Variants in SLA2 observed in about 807,000 individuals in gnomAD.
The protein encoded by SLA2 is Src like adaptor 2, also known as src-like-adapter 2.
Under a neutral mutation model 27.3 loss-of-function variants are expected in SLA2, and 22 were observed. The observed-to-expected ratio is 0.81, with a 90% confidence interval of 0.58 to 1.15. SLA2 has a LOEUF of 1.15. Ranked by LOEUF, SLA2 falls within the 50% of genes most tolerant of loss-of-function variation. The pLI, the probability that SLA2 is intolerant of heterozygous loss-of-function variation, is 0.00. For missense variants in SLA2, 304 were observed against 322.2 expected, an observed-to-expected ratio of 0.94 and a Z score of 0.43; for synonymous variants, 131 against 137.8, an observed-to-expected ratio of 0.95 and a Z score of 0.34.
intron 5 of SLA2, chr20:36,621,121 G>A: frequency 2.6e-6 from 1 of 390,148 alleles, no homozygotes; most frequent in Non-Finnish European, 5.1e-6. Context: ...CAATGATGGT[G>A]AGCCTGCTTA....
chr20:36,627,039 C>T (rs892284863), intron 5 of SLA2, among the ~76,000 whole-genome samples: 3 of 150,992 alleles, frequency 2.0e-5, no homozygotes, highest in South Asian at 2.1e-4. Context: ...GAAAGAATGG[C>T]GAAGGATGAG....
intron 5 of SLA2, among the ~76,000 whole-genome samples, chr20:36,626,737 G>A (rs908687773): frequency 3.3e-5 from 5 of 150,956 alleles, no homozygotes; most frequent in Non-Finnish European, 7.4e-5. Flanking sequence ...CCAGCTACTC[G>A]GGAGGCTGAG....
Position 36,614,296 on chromosome 20 carries a change from C to G in SLA2, c.665+9G>C. On this transcript the variant is annotated intron_variant, in intron 7 of 7. Transcript: ENST00000262866. ...CTGCTTTCATGTTTCCAGGAGTCCC[C>G]AACTTTACCTGTCCAGCTCTTTCCA... The G allele has an allele frequency of 6.2e-7, 1 of 1,614,164 alleles. No homozygotes were observed. The highest frequency in any genetic ancestry group is 8.5e-7 in the Non-Finnish European group (1 of 1,180,028).
chr20:36,642,867 G>T (rs1394981998), intron 1 of SLA2, among the ~76,000 whole-genome samples: 1 of 152,052 alleles, frequency 6.6e-6, no homozygotes, highest in Non-Finnish European at 1.5e-5. Flanking sequence ...TTACAGGCAT[G>T]AGCCACCGCA....
chr20:36,616,308 ATT>A (rs1187898492), intron 5 of SLA2, among the ~76,000 whole-genome samples: 7,928 of 126,384 alleles, frequency 0.063, 725 homozygotes, highest in African/African-American at 0.21. Context: ...TCATTTTTTC[ATT>A]TTTTTTTTTT....
At chr20:36,626,096 CTT>C (rs1370913327) in intron 5 of SLA2, among the ~76,000 whole-genome samples, 2 of 151,116 alleles carry the variant, frequency 1.3e-5, no homozygotes, top group African/African-American at 4.9e-5. Flanking sequence ...AAAACCCTGA[CTT>C]TAAAAAAAAA....
At position 36,614,286 on chromosome 20, in the gene SLA2, C is replaced by T; in HGVS notation, c.665+19G>A. 1 of 1,614,124 alleles carries T rather than the reference C, an allele frequency of 6.2e-7. No homozygotes were observed. The highest frequency in any genetic ancestry group is 8.5e-7 in the Non-Finnish European group (1 of 1,180,020). On this transcript the variant is annotated intron_variant, in intron 7 of 7. Coordinates refer to ENST00000262866, the MANE Select transcript of SLA2 (RefSeq NM_032214.4). ...ACTCTTGGTCCTGCTTTCATGTTTC[C>T]AGGAGTCCCCAACTTTACCTGTCCA...
chr20:36,642,468 G>A, intron 1 of SLA2, among the ~76,000 whole-genome samples: 1 of 151,900 alleles, frequency 6.6e-6, no homozygotes, highest in Non-Finnish European at 1.5e-5. Flanking sequence ...TAGTGGTGTA[G>A]TCCTAGCTCA....
intron 5 of SLA2, among the ~76,000 whole-genome samples, chr20:36,631,368 G>C (rs1012505869): frequency 2.6e-5 from 4 of 152,182 alleles, no homozygotes; most frequent in African/African-American, 9.7e-5. Flanking sequence ...TGGCTAGGCT[G>C]GTCTCAAATT....
At chr20:36,632,158 A>C (rs557397627) in intron 5 of SLA2, among the ~76,000 whole-genome samples, 14 of 152,120 alleles carry the variant, frequency 9.2e-5, no homozygotes, top group African/African-American at 3.1e-4. Context: ...GAGAAAACCA[A>C]AGCTTCTCAG....
intron 5 of SLA2, among the ~76,000 whole-genome samples, chr20:36,621,801 C>T (rs1444910201): frequency 6.6e-6 from 1 of 151,880 alleles, no homozygotes; most frequent in Non-Finnish European, 1.5e-5. Flanking sequence ...CACTTAAGCC[C>T]AGCCAGGAAT....
intron 5 of SLA2, among the ~76,000 whole-genome samples, chr20:36,617,044 T>TATAA (rs1284834915): frequency 1.3e-5 from 2 of 149,788 alleles, no homozygotes; most frequent in South Asian, 2.1e-4. Flanking sequence ...AGCAAGACTC[T>TATAA]ATAAATAAAT....
At chr20:36,644,161 G>C (rs1473788447) in intron 1 of SLA2, among the ~76,000 whole-genome samples, 1 of 151,988 alleles carries the variant, frequency 6.6e-6, no homozygotes, top group Non-Finnish European at 1.5e-5. Flanking sequence ...TTTTGTTTTT[G>C]TTTTACATTA....
At chr20:36,640,795 G>T (rs2039499076) in intron 2 of SLA2, among the ~76,000 whole-genome samples, 1 of 152,208 alleles carries the variant, frequency 6.6e-6, no homozygotes. Flanking sequence ...GGGATTACAG[G>T]CGTGAGCCAC....
intron 6 of SLA2, 27 bp from the exon 7 acceptor site, chr20:36,614,464 A>T (rs374311877): frequency 1.3e-6 from 2 of 1,578,810 alleles, no homozygotes. Context: ...CATCCCTGAC[A>T]TGACTGACTC....
At chr20:36,629,632 G>A (rs146490453) in intron 5 of SLA2, among the ~76,000 whole-genome samples, 5 of 152,120 alleles carry the variant, frequency 3.3e-5, no homozygotes, top group East Asian at 1.9e-4. Flanking sequence ...AAATTAGTTG[G>A]GCATGGTGGC....
chr20:36,623,893 G>A (rs2039310197), intron 5 of SLA2, among the ~76,000 whole-genome samples: 1 of 152,158 alleles, frequency 6.6e-6, no homozygotes, highest in African/African-American at 2.4e-5. Flanking sequence ...AATAGGCCCA[G>A]AAGGCCAACC....
At chr20:36,631,168 T>G (rs1432672129) in intron 5 of SLA2, among the ~76,000 whole-genome samples, 1 of 151,390 alleles carries the variant, frequency 6.6e-6, no homozygotes, top group Non-Finnish European at 1.5e-5. Flanking sequence ...ACTTTTATTT[T>G]TTGAAATGGA....
chr20:36,633,885 G>A (rs59018650), intron 3 of SLA2, among the ~76,000 whole-genome samples: 4,819 of 151,464 alleles, frequency 0.032, 256 homozygotes, highest in African/African-American at 0.11. Flanking sequence ...GTGTCCAGCC[G>A]CCTGAAATTC....
Sources: gnomAD v4.1 joint callset for allele counts (sites outside exome capture counted in the v4.1 genomes callset) on GRCh38, gnomAD v4.1.1 for gene constraint, MANE v1.5 for transcripts, NCBI Gene and HGNC (gene_info 2026-07-23, HGNC 2026-07-21) for gene names.